INPP4B: variants seen among roughly 807,000 people sequenced by gnomAD.
INPP4B encodes the protein inositol polyphosphate-4-phosphatase type II B.
In INPP4B, 55 loss-of-function variants were observed where a neutral mutation model predicts 122.5. The observed-to-expected ratio is 0.45, with a 90% CI of 0.36 to 0.56. The LOEUF (loss-of-function observed/expected upper bound fraction) is 0.56, where lower values mean the gene tolerates loss of function less well. INPP4B is among the 20% of genes least tolerant of loss of function. INPP4B has a pLI of 0.00. For synonymous variants in INPP4B, 403 were observed against 388.7 expected (o/e 1.04, Z -0.43); for missense variants, 1,000 against 1,097.7 (o/e 0.91, Z 1.26).
intron 2 of INPP4B, among the ~76,000 whole-genome samples, chr4:142,665,320 G>T (rs1465562817): frequency 6.6e-6 from 1 of 152,032 alleles, no homozygotes; most frequent in Non-Finnish European, 1.5e-5. Context: ...GTGAAACCCT[G>T]TCTCTACTAA....
chr4:142,493,770 G>A (rs776349007), intron 2 of INPP4B, among the ~76,000 whole-genome samples: 22 of 152,136 alleles, frequency 1.4e-4, no homozygotes, highest in Non-Finnish European at 2.9e-4. Context: ...GTACCTTTGG[G>A]TTAATGCTTG....
At chr4:142,435,781 C>T (rs979948387) in intron 3 of INPP4B, among the ~76,000 whole-genome samples, 4 of 152,174 alleles carry the variant, frequency 2.6e-5, no homozygotes, top group African/African-American at 4.8e-5. Context: ...ACCCATAGAT[C>T]GGAAGTTCCC....
chr4:142,400,090 G>C (rs1306966752), intron 7 of INPP4B, among the ~76,000 whole-genome samples: 1 of 152,148 alleles, frequency 6.6e-6, no homozygotes, highest in Non-Finnish European at 1.5e-5. Context: ...TCTGCATCAA[G>C]AGCACAGAGA....
At chr4:142,663,230 T>C (rs543618349) in intron 2 of INPP4B, among the ~76,000 whole-genome samples, 307 of 152,344 alleles carry the variant, frequency 2.0e-3, no homozygotes, top group African/African-American at 6.9e-3. Flanking sequence ...ATATCTATTT[T>C]GTTTATCTGT....
At chr4:142,302,120 T>A (rs1579662716) in intron 9 of INPP4B, among the ~76,000 whole-genome samples, 1 of 151,956 alleles carries the variant, frequency 6.6e-6, no homozygotes, top group Non-Finnish European at 1.5e-5. Flanking sequence ...AGAGTCAGGG[T>A]TCTGGGATAA....
At chr4:142,804,149 G>C (rs12331053) in intron 1 of INPP4B, among the ~76,000 whole-genome samples, 2 of 151,788 alleles carry the variant, frequency 1.3e-5, no homozygotes, top group Admixed American at 1.3e-4. Context: ...ATAGCTCATC[G>C]TGACCAGATA....
chr4:142,438,835 G>T (rs955809403), intron 3 of INPP4B, among the ~76,000 whole-genome samples: 1 of 152,070 alleles, frequency 6.6e-6, no homozygotes, highest in East Asian at 1.9e-4. Context: ...AATTTACAAG[G>T]AACTTAGACA....
chr4:142,478,246 C>T (rs559409273), intron 2 of INPP4B, among the ~76,000 whole-genome samples: 1 of 152,246 alleles, frequency 6.6e-6, no homozygotes, highest in Admixed American at 6.5e-5. Context: ...TTCCTCTCTT[C>T]CTATTTGGAT....
intron 3 of INPP4B, among the ~76,000 whole-genome samples, chr4:142,455,286 C>T (rs1359021521): frequency 4.6e-5 from 7 of 152,124 alleles, no homozygotes; most frequent in African/African-American, 1.7e-4. Context: ...TTTTCGTACA[C>T]ATTAACCATC....
chr4:142,774,271 C>T (rs887480920), intron 1 of INPP4B, among the ~76,000 whole-genome samples: 15 of 138,350 alleles, frequency 1.1e-4, no homozygotes, highest in African/African-American at 2.8e-4. Flanking sequence ...TGTTGGCTAA[C>T]GCACCTGAGA....
intron 1 of INPP4B, among the ~76,000 whole-genome samples, chr4:142,839,415 C>G (rs184046725): frequency 4.7e-4 from 71 of 152,204 alleles, no homozygotes; most frequent in African/African-American, 1.7e-3. Context: ...GCCTGAGCGA[C>G]AGAGCAAGAC....
intron 9 of INPP4B, among the ~76,000 whole-genome samples, chr4:142,276,420 A>C (rs1445747431): frequency 1.3e-5 from 2 of 151,828 alleles, no homozygotes; most frequent in Non-Finnish European, 2.9e-5. Context: ...ACCTCATCAC[A>C]TACCATTAAA....
At chr4:142,801,833 C>G (rs377498697) in intron 1 of INPP4B, among the ~76,000 whole-genome samples, 3 of 152,238 alleles carry the variant, frequency 2.0e-5, no homozygotes. Context: ...GCAGGATAGA[C>G]TAAAATAATA....
At chr4:142,153,506 A>C (rs577793492) in intron 17 of INPP4B, among the ~76,000 whole-genome samples, 3 of 152,320 alleles carry the variant, frequency 2.0e-5, no homozygotes, top group African/African-American at 7.2e-5. Flanking sequence ...ATACACAGGC[A>C]CATCAAAATA....
intron 18 of INPP4B, among the ~76,000 whole-genome samples, chr4:142,135,473 G>C (rs528115162): frequency 3.9e-4 from 60 of 152,170 alleles, no homozygotes; most frequent in Admixed American, 9.8e-4. Context: ...CAGAAGGGAT[G>C]ACAACTTTAG....
At chr4:142,269,155 A>C (rs1334364305) in intron 10 of INPP4B, among the ~76,000 whole-genome samples, 3 of 152,182 alleles carry the variant, frequency 2.0e-5, no homozygotes, top group African/African-American at 4.8e-5. Context: ...CTTTTATTTT[A>C]AGTAAAATGT....
At chr4:142,666,000 C>T (rs1042736079) in intron 2 of INPP4B, among the ~76,000 whole-genome samples, 10 of 152,228 alleles carry the variant, frequency 6.6e-5, no homozygotes, top group African/African-American at 2.4e-4. Context: ...CAACAAGATA[C>T]TGTAATAAAA....
At chr4:142,463,259 A>G (rs1817077033) in intron 2 of INPP4B, among the ~76,000 whole-genome samples, 1 of 152,220 alleles carries the variant, frequency 6.6e-6, no homozygotes, top group Non-Finnish European at 1.5e-5. Context: ...AATGTGATTT[A>G]TGATGAACAT....
intron 2 of INPP4B, among the ~76,000 whole-genome samples, chr4:142,653,122 G>A (rs1316302004): frequency 6.6e-6 from 1 of 152,174 alleles, no homozygotes; most frequent in Non-Finnish European, 1.5e-5. Flanking sequence ...AGGAAATGGG[G>A]AAAGGATCCC....
Sources: allele counts gnomAD v4.1 joint callset (sites outside exome capture counted in the v4.1 genomes callset), GRCh38; gene constraint gnomAD v4.1.1; transcripts MANE v1.5; gene names NCBI Gene and HGNC (gene_info 2026-07-23, HGNC 2026-07-21).